AIMP1: variants seen among roughly 807,000 people sequenced by gnomAD.
AIMP1 encodes the protein aminoacyl tRNA synthetase complex interacting multifunctional protein 1.
Under a neutral mutation model 33.1 loss-of-function variants are expected in AIMP1, and 24 were observed. The ratio of observed to expected loss-of-function variants is 0.73; its 90% confidence interval spans 0.53 to 1.02. The LOEUF is 1.02. Ranked by LOEUF, AIMP1 falls within the 50% of genes least tolerant of loss-of-function variation. The pLI is 0.00. For missense variants in AIMP1, 367 were observed against 364.8 expected (o/e 1.01, Z -0.05); for synonymous variants, 120 against 121.5 (o/e 0.99, Z 0.08).
chr4:106,333,796 T>TA (rs1341766261), intron 5 of AIMP1, among the ~76,000 whole-genome samples: 1 of 152,220 alleles, frequency 6.6e-6, no homozygotes, highest in African/African-American at 2.4e-5. Flanking sequence ...AGCAAATTGA[T>TA]ACTCCATGAT....
At chr4:106,341,913 C>T (rs1004416713) in intron 6 of AIMP1, among the ~76,000 whole-genome samples, 1 of 152,120 alleles carries the variant, frequency 6.6e-6, no homozygotes, top group Admixed American at 6.6e-5. Context: ...ACTGATTTTT[C>T]CAATCCATGA....
At chr4:106,343,544 G>T (rs1003153257) in intron 6 of AIMP1, among the ~76,000 whole-genome samples, 3 of 152,006 alleles carry the variant, frequency 2.0e-5, no homozygotes, top group Non-Finnish European at 2.9e-5. Flanking sequence ...CCATGACTTT[G>T]AATGAATCTG....
At position 106,347,705 on chromosome 4, in the gene AIMP1, A is replaced by C; in HGVS notation, c.*13A>C. ...TGGAATCAAATAAAATGCTTCCACT[A>C]CCAAAAGACATTAGAGAAAACCTTA... On this transcript the variant is annotated 3_prime_UTR_variant, in exon 7 of 7. Coordinates refer to ENST00000672341, the MANE Select transcript of AIMP1 (RefSeq NM_001142416.2). 1 of 1,611,034 alleles carries C rather than the reference A, an allele frequency of 6.2e-7. No individual in the cohort carries two copies. Among genetic ancestry groups the C allele is most frequent in the Non-Finnish European group, 8.5e-7 (1 of 1,178,438 alleles).
At chr4:106,332,911 T>C (rs1292740329) in intron 5 of AIMP1, among the ~76,000 whole-genome samples, 1 of 152,108 alleles carries the variant, frequency 6.6e-6, no homozygotes, top group Admixed American at 6.5e-5. Flanking sequence ...CCAAAAAGTT[T>C]CAGTTTATCT....
rs755216407 is a variant in AIMP1 at position 106,336,983 on chromosome 4, G to C, written c.718G>C (p.Ala240Pro). 2 of 1,614,044 alleles carry C rather than the reference G, an allele frequency of 1.2e-6. No individual in the cohort carries two copies. Among genetic ancestry groups the C allele is most frequent in the East Asian group, 2.2e-5 (1 of 44,852 alleles). Reference protein sequence around the residue: ...ASSPEKIEILAPPNGSVPGDR... With the variant: ...ASSPEKIEILPPPNGSVPGDR... ...TTCACCAGAGAAAATTGAAATCTTG[G>C]CTCCTCCAAATGGGTCTGTTCCTGG... is the stretch of plus-strand genomic sequence containing the variant. Residue 240 changes from alanine (A) to proline (P), a missense_variant, in exon 6 of 7, where the codon GCT (alanine) becomes CCT (proline). Transcript: ENST00000672341.
chr4:106,318,171 G>A (rs1769055832), intron 1 of AIMP1, among the ~76,000 whole-genome samples: 1 of 152,150 alleles, frequency 6.6e-6, no homozygotes, highest in Non-Finnish European at 1.5e-5. Flanking sequence ...AGCAATTTTA[G>A]ATATTCTTTT....
At chr4:106,316,334 G>C, upstream of AIMP1, 1 of 570,314 alleles carries the variant, frequency 1.8e-6, no homozygotes, top group Non-Finnish European at 3.2e-6. Flanking sequence ...CATATAGCGA[G>C]AGAGAAAGAG....
At chr4:106,327,342 A>C in intron 2 of AIMP1, 109 bp from the exon 3 acceptor site, 6 of 758,870 alleles carry the variant, frequency 7.9e-6, no homozygotes, top group Non-Finnish European at 1.4e-5. Flanking sequence ...TGGTTACACT[A>C]GAGCTAGTAT....
intron 6 of AIMP1, among the ~76,000 whole-genome samples, chr4:106,345,990 C>T (rs1467138513): frequency 2.0e-5 from 3 of 151,014 alleles, no homozygotes; most frequent in Non-Finnish European, 4.4e-5. Flanking sequence ...AAAAAAAGAT[C>T]TAGAAGGTTT....
intron 1 of AIMP1, 22 bp downstream of exon 1, chr4:106,316,616 C>A: frequency 6.4e-7 from 1 of 1,550,416 alleles, no homozygotes; most frequent in South Asian, 1.2e-5. Context: ...CGTGGCGGGT[C>A]ACTCACTCGG....
chr4:106,329,813 T>C (rs1373035487), intron 4 of AIMP1, among the ~76,000 whole-genome samples: 1 of 128,590 alleles, frequency 7.8e-6, no homozygotes, highest in African/African-American at 2.9e-5. Flanking sequence ...GGAGACGGAG[T>C]CTTGCTCTGT....
chr4:106,344,559 A>C (rs1318982324), intron 6 of AIMP1, among the ~76,000 whole-genome samples: 1 of 152,212 alleles, frequency 6.6e-6, no homozygotes, highest in Non-Finnish European at 1.5e-5. Context: ...GAAGTCTTCT[A>C]ACTTATCATC....
intron 1 of AIMP1, 97 bp downstream of exon 1, chr4:106,316,691 C>G: frequency 8.1e-7 from 1 of 1,227,976 alleles, no homozygotes; most frequent in South Asian, 1.4e-5. Flanking sequence ...GAGGACCTGG[C>G]CTGCGCTGCT....
At chr4:106,326,023 A>G (rs1579631559) in intron 2 of AIMP1, among the ~76,000 whole-genome samples, 3 of 152,250 alleles carry the variant, frequency 2.0e-5, no homozygotes, top group Non-Finnish European at 4.4e-5. Context: ...AATAGGTACA[A>G]TGCCAACTAG....
At chr4:106,320,706 G>A (rs1219911982) in intron 1 of AIMP1, among the ~76,000 whole-genome samples, 1 of 151,942 alleles carries the variant, frequency 6.6e-6, no homozygotes, top group Non-Finnish European at 1.5e-5. Context: ...AGTAGGAGGT[G>A]AAATCAGGTA....
Position 106,348,398 on chromosome 4 carries a change from A to G in AIMP1, c.*706A>G, listed in dbSNP as rs372503930. On this transcript the variant is annotated 3_prime_UTR_variant, in exon 7 of 7. Coordinates refer to ENST00000672341, the MANE Select transcript of AIMP1 (RefSeq NM_001142416.2). ...AACAGTTGCCACAGTAGTTTCTAAT[A>G]AATTGATCATAAAAGCAGCTATCCT... The G allele has an allele frequency of 3.2e-4, 49 of 152,030 alleles. No homozygotes were observed. Among genetic ancestry groups the G allele is most frequent in the African/African-American group, 1.2e-3 (49 of 41,526 alleles). The allele number at this position is 152,030 out of a possible 1,614,324, so 9.4% of individuals were successfully genotyped here.
chr4:106,326,406 C>T lies in AIMP1; in HGVS notation c.110-1045C>T, dbSNP rs111901945. Among the ~76,000 whole-genome samples, 830 of 152,164 alleles carry T rather than the reference C, an allele frequency of 5.5e-3. 11 individuals carry two copies. The highest frequency in any genetic ancestry group is 0.019 in the African/African-American group (799 of 41,516). ...GACATCTGACATTCTTGGCTTCTGC[C>T]CAATAAATGCCAGTACTAACAATCA... On this transcript the variant is annotated intron_variant, in intron 2 of 6. Coordinates refer to ENST00000672341, the MANE Select transcript of AIMP1 (RefSeq NM_001142416.2).
At chr4:106,328,834 C>G (rs1769556310) in intron 4 of AIMP1, among the ~76,000 whole-genome samples, 1 of 152,158 alleles carries the variant, frequency 6.6e-6, no homozygotes, top group Non-Finnish European at 1.5e-5. Flanking sequence ...TCTGCTCTTT[C>G]TTTTCATTAG....
chr4:106,324,731 A>C (rs1405891573), intron 1 of AIMP1, among the ~76,000 whole-genome samples: 1 of 152,052 alleles, frequency 6.6e-6, no homozygotes, highest in Non-Finnish European at 1.5e-5. Flanking sequence ...TCAACCTTAA[A>C]TGTGGCTAAA....
Sources: gnomAD v4.1 joint callset for allele counts (sites outside exome capture counted in the v4.1 genomes callset) on GRCh38, gnomAD v4.1.1 for gene constraint, MANE v1.5 for transcripts, NCBI Gene and HGNC (gene_info 2026-07-23, HGNC 2026-07-21) for gene names.